GRID1: variants seen among roughly 807,000 people sequenced by gnomAD.
GRID1 encodes the protein glutamate receptor ionotropic, delta-1.
In GRID1, 28 loss-of-function variants were observed where a neutral mutation model predicts 98.0. The observed-to-expected ratio is 0.29, with a 90% CI of 0.21 to 0.39. The LOEUF is 0.39. Among genes scored for constraint, GRID1 ranks in the 10% least tolerant of loss-of-function variants. The pLI, the probability that GRID1 is intolerant of heterozygous loss-of-function variation, is 1.00. For missense variants in GRID1, 1,111 were observed against 1,340.5 expected (o/e 0.83, Z 2.67); for synonymous variants, 553 against 538.5 (o/e 1.03, Z -0.37).
At chr10:85,764,808 G>C (rs1842181979) in intron 8 of GRID1, among the ~76,000 whole-genome samples, 1 of 152,156 alleles carries the variant, frequency 6.6e-6, no homozygotes. Context: ...CCATAGTACA[G>C]GCCCATACAC....
rs1217090485 is a variant in GRID1 at position 85,737,683 on chromosome 10, TG to T, written c.1234-8070del. On this transcript the variant is annotated intron_variant, in intron 8 of 15. Transcript: ENST00000327946. ...ATATATATATATATATAAACATATA[TG>T]GTTATATATATATATATATAACATA... Among the ~76,000 whole-genome samples the T allele has an allele frequency of 9.2e-4, 102 of 110,842 alleles. 1 individual carries two copies. Among genetic ancestry groups the T allele is most frequent in the East Asian group, 2.3e-3 (11 of 4,886 alleles). 72.7% of individuals were successfully genotyped at this position (110,842 alleles called of 152,430 possible).
At chr10:86,143,407 T>A (rs952666139) in intron 3 of GRID1, among the ~76,000 whole-genome samples, 5 of 149,704 alleles carry the variant, frequency 3.3e-5, no homozygotes, top group Non-Finnish European at 5.9e-5. Context: ...AAAACCTGAC[T>A]GTCTGCTGCT....
intron 3 of GRID1, among the ~76,000 whole-genome samples, chr10:86,172,366 T>C (rs903596490): frequency 2.0e-5 from 3 of 152,194 alleles, no homozygotes; most frequent in African/African-American, 7.2e-5. Flanking sequence ...AATACTCCAT[T>C]GTGTGAGTAT....
chr10:86,344,916 C>T (rs987794206), intron 2 of GRID1, among the ~76,000 whole-genome samples: 5 of 152,228 alleles, frequency 3.3e-5, no homozygotes, highest in African/African-American at 1.2e-4. Flanking sequence ...GGAGCAGCAC[C>T]GGGTCCCTCT....
At chr10:85,720,613 C>A in intron 12 of GRID1, among the ~76,000 whole-genome samples, 1 of 133,972 alleles carries the variant, frequency 7.5e-6, no homozygotes. Context: ...ATTGGGCATC[C>A]ATAGACCAAA....
chr10:86,007,773 A>G (rs2131879133), intron 4 of GRID1, among the ~76,000 whole-genome samples: 1 of 151,986 alleles, frequency 6.6e-6, no homozygotes, highest in Non-Finnish European at 1.5e-5. Flanking sequence ...GCAGGACCCC[A>G]GTTTCTAAGT....
intron 2 of GRID1, among the ~76,000 whole-genome samples, chr10:86,275,074 G>C (rs1847248003): frequency 6.6e-6 from 1 of 152,162 alleles, no homozygotes; most frequent in Non-Finnish European, 1.5e-5. Context: ...GACTGAGAGA[G>C]ATGTTTGGGG....
chr10:85,895,899 G>C (rs1384791206), intron 5 of GRID1, among the ~76,000 whole-genome samples: 1 of 152,000 alleles, frequency 6.6e-6, no homozygotes, highest in African/African-American at 2.4e-5. Context: ...TCAAAATTAT[G>C]GGAAAGAGGA....
intron 2 of GRID1, among the ~76,000 whole-genome samples, chr10:86,301,398 C>T (rs1428526476): frequency 6.6e-6 from 1 of 152,254 alleles, no homozygotes; most frequent in Admixed American, 6.5e-5. Context: ...TGGTGTGTGG[C>T]TAAGCCACAG....
Position 86,325,513 on chromosome 10 carries a change from T to C in GRID1, c.235+38428A>G, listed in dbSNP as rs183401105. 3.9e-3 allele frequency among the ~76,000 whole-genome samples: 592 copies of C among 152,256 alleles called. 14 individuals carry two copies. The highest frequency in any genetic ancestry group is 1.2e-3 in the Non-Finnish European group (79 of 68,024). On this transcript the variant is annotated intron_variant, in intron 2 of 15. Coordinates refer to ENST00000327946, the MANE Select transcript of GRID1 (RefSeq NM_017551.3). The stretch of plus-strand genomic sequence containing the variant: ...ACAGTATAAATCTCAGTAAAATCCT[T>C]AAGAAAAAGGTATTCAAAAATTCAT...
chr10:86,333,381 ATT>A (rs1160979473), intron 2 of GRID1, among the ~76,000 whole-genome samples: 2 of 152,234 alleles, frequency 1.3e-5, no homozygotes, highest in African/African-American at 4.8e-5. Context: ...AACTATAAAT[ATT>A]TGTTTCCATA....
At chr10:85,989,490 C>T (rs1842652806) in intron 4 of GRID1, among the ~76,000 whole-genome samples, 1 of 152,196 alleles carries the variant, frequency 6.6e-6, no homozygotes, top group Admixed American at 6.5e-5. Flanking sequence ...TGGTAAGCAT[C>T]AGGCCAGTGA....
chr10:86,241,651 A>G (rs1846638132), intron 2 of GRID1, among the ~76,000 whole-genome samples: 1 of 152,284 alleles, frequency 6.6e-6, no homozygotes, highest in Admixed American at 6.5e-5. Flanking sequence ...CAATATCAAT[A>G]GATCTTTAAT....
Position 85,599,821 on chromosome 10 carries a change from A to ATATATATATATAT in GRID1, c.*2451_*2452insATATATATATATA, listed in dbSNP as rs1470286241. 1.5e-5 allele frequency: 2 copies of ATATATATATATAT among 129,332 alleles called. No individual in the cohort carries two copies. Among genetic ancestry groups the ATATATATATATAT allele is most frequent in the Middle Eastern group, 4.1e-3 (1 of 242 alleles). 8.0% of individuals were successfully genotyped at this position (129,332 alleles called of 1,614,324 possible). A position where few individuals can be genotyped will look rare whatever the true frequency, so the allele number is the denominator to read the frequency against. On this transcript the variant is annotated 3_prime_UTR_variant, in exon 16 of 16. Transcript: ENST00000327946. ...AAAAAAAATATATATATATATATAT[A>ATATATATATATAT]AACATGGTGAAGAATAACACCATGA...
intron 2 of GRID1, among the ~76,000 whole-genome samples, chr10:86,245,043 T>C (rs1846700865): frequency 6.6e-6 from 1 of 152,204 alleles, no homozygotes; most frequent in Non-Finnish European, 1.5e-5. Context: ...GTCGCACTGA[T>C]TCCATGTTTT....
At chr10:85,959,307 C>A (rs1842235098) in intron 4 of GRID1, among the ~76,000 whole-genome samples, 1 of 152,222 alleles carries the variant, frequency 6.6e-6, no homozygotes, top group African/African-American at 2.4e-5. Flanking sequence ...ACTGAACCCT[C>A]CTCTGGGAAA....
chr10:85,966,202 T>C (rs1342388650), intron 4 of GRID1, among the ~76,000 whole-genome samples: 8 of 152,180 alleles, frequency 5.3e-5, no homozygotes, highest in African/African-American at 1.9e-4. Flanking sequence ...AGCAATTGTT[T>C]AGCATCACAA....
chr10:85,797,030 A>G (rs974616965), intron 8 of GRID1, among the ~76,000 whole-genome samples: 10 of 152,196 alleles, frequency 6.6e-5, no homozygotes, highest in African/African-American at 2.2e-4. Flanking sequence ...AAATACCTGG[A>G]AAATTTTATT....
intron 8 of GRID1, among the ~76,000 whole-genome samples, chr10:85,758,370 G>T (rs1281998337): frequency 6.6e-6 from 1 of 152,176 alleles, no homozygotes; most frequent in Admixed American, 6.5e-5. Context: ...ACCACTAGGG[G>T]TGGGCAATTT....
Sources: gnomAD v4.1 joint callset for allele counts (sites outside exome capture counted in the v4.1 genomes callset) on GRCh38, gnomAD v4.1.1 for gene constraint, MANE v1.5 for transcripts, NCBI Gene and HGNC (gene_info 2026-07-23, HGNC 2026-07-21) for gene names.